ANXA11: variants seen among roughly 807,000 people sequenced by gnomAD.
ANXA11 encodes the protein 56 kDa autoantigen.
A neutral mutation model predicts 64.7 loss-of-function variants in ANXA11; 57 were observed. The ratio of observed to expected loss-of-function variants is 0.88; its 90% CI spans 0.71 to 1.10. The LOEUF is 1.10. ANXA11 is among the 50% of genes least tolerant of loss of function. The probability of loss-of-function intolerance (pLI) is 0.00; values close to 1 mark genes in which losing one functional copy is unlikely to be tolerated. For missense variants in ANXA11, 675 were observed against 670.7 expected (o/e 1.01, Z -0.07); for synonymous variants, 260 against 265.2 (o/e 0.98, Z 0.19).
intron 15 of ANXA11, chr10:80,157,166 A>G: frequency 1.0e-6 from 1 of 977,080 alleles, no homozygotes; most frequent in Non-Finnish European, 1.2e-6. Context: ...GAGCCATTCA[A>G]GGTCACACAG....
intron 1 of ANXA11, among the ~76,000 whole-genome samples, chr10:80,185,275 A>C (rs941028100): frequency 6.6e-6 from 1 of 152,230 alleles, no homozygotes; most frequent in African/African-American, 2.4e-5. Flanking sequence ...GGCCTAGCTC[A>C]GCCTCACTTA....
intron 11 of ANXA11, among the ~76,000 whole-genome samples, chr10:80,162,649 G>C (rs970378440): frequency 9.2e-5 from 14 of 152,234 alleles, no homozygotes; most frequent in African/African-American, 3.4e-4. Flanking sequence ...CCCTAACAAG[G>C]GGGCATTCCT....
At chr10:80,159,559 G>C (rs1428696055) in intron 12 of ANXA11, among the ~76,000 whole-genome samples, 1 of 152,202 alleles carries the variant, frequency 6.6e-6, no homozygotes, top group African/African-American at 2.4e-5. Flanking sequence ...CACCCAGTCT[G>C]TGGTATTTTG....
intron 1 of ANXA11, among the ~76,000 whole-genome samples, chr10:80,191,889 C>T (rs1846792875): frequency 6.6e-6 from 1 of 152,204 alleles, no homozygotes. Flanking sequence ...GACCCCACCT[C>T]ACCCCATTTC....
intron 13 of ANXA11, among the ~76,000 whole-genome samples, chr10:80,158,430 T>C (rs1460089018): frequency 1.3e-5 from 2 of 151,946 alleles, no homozygotes; most frequent in Non-Finnish European, 2.9e-5. Context: ...AATGTGCATC[T>C]CCCTAGGCTT....
chr10:80,165,058 C>G (rs113269678), intron 8 of ANXA11, among the ~76,000 whole-genome samples: 23 of 152,332 alleles, frequency 1.5e-4, no homozygotes, highest in African/African-American at 5.3e-4. Context: ...ACTCCACAAC[C>G]ACCAGCTCAT....
Position 80,172,979 on chromosome 10 carries a change from A to G in ANXA11, c.-8-110T>C. The G allele has an allele frequency of 5.6e-6, 5 of 900,252 alleles. No homozygotes were observed. The South Asian group carries it at 5.9e-5, about 11-fold the overall frequency. The allele number at this position is 900,252 out of a possible 1,614,324, so 55.8% of individuals were successfully genotyped here. A position where few individuals can be genotyped will look rare whatever the true frequency, so the allele number is the denominator to read the frequency against. On this transcript the variant is annotated intron_variant, in intron 2 of 15. Transcript: ENST00000422982. ...ACCACCACAACTGGGACCCTGCAGA[A>G]GAAACTGCTGCATCTGCCCTGCTTG...
At position 80,196,458 on chromosome 10, in the gene ANXA11, T is replaced by C. The variant is rs141589814; in HGVS notation, c.-58+8885A>G. Among the ~76,000 whole-genome samples, 1,198 of 152,272 alleles carry C rather than the reference T, an allele frequency of 7.9e-3. 5 individuals carry two copies. Among genetic ancestry groups the C allele is most frequent in the Non-Finnish European group, 0.012 (841 of 68,010 alleles). ...CTTTCACTCTCTGGGTGGCACCTGTTTCGGTAGCCTCTATTACGTAGGCCC... is the reference window on the plus strand; with the variant it reads ...CTTTCACTCTCTGGGTGGCACCTGTCTCGGTAGCCTCTATTACGTAGGCCC... On this transcript the variant is annotated intron_variant, in intron 1 of 15. Transcript: ENST00000422982.
intron 1 of ANXA11, among the ~76,000 whole-genome samples, chr10:80,179,998 C>A (rs1402487489): frequency 6.6e-6 from 1 of 152,186 alleles, no homozygotes; most frequent in African/African-American, 2.4e-5. Flanking sequence ...CTCAAAGCGT[C>A]TGGTGAATGC....
chr10:80,205,696 C>G (rs1279859520), upstream of ANXA11: 1 of 152,226 alleles, frequency 6.6e-6, no homozygotes, highest in Non-Finnish European at 1.5e-5. Flanking sequence ...CTCCGGAGGT[C>G]CCTCTGCCGC....
intron 1 of ANXA11, among the ~76,000 whole-genome samples, chr10:80,200,825 C>T (rs1415085681): frequency 6.6e-6 from 1 of 152,158 alleles, no homozygotes; most frequent in Admixed American, 6.5e-5. Context: ...TGCTTGAGGC[C>T]AGGGCTTTGA....
chr10:80,173,305 CCAG>C (rs1384987323), intron 2 of ANXA11, among the ~76,000 whole-genome samples: 1 of 152,238 alleles, frequency 6.6e-6, no homozygotes, highest in Non-Finnish European at 1.5e-5. Flanking sequence ...TGCCATCCCT[CCAG>C]CAACAGGGGA....
At chr10:80,166,324 G>C (rs1160070816) in intron 7 of ANXA11, 127 bp from the exon 8 acceptor site, 6 of 610,522 alleles carry the variant, frequency 9.8e-6, no homozygotes, top group Admixed American at 8.7e-5. Context: ...TCCCCCAGGG[G>C]CCTGAGAGAA....
rs956787240 is a variant in ANXA11 at position 80,158,021 on chromosome 10, T to C, written c.1281A>G (p.Lys427=). The change falls in exon 14 of 16, where the codon AAA becomes AAG. Residue 427 remains lysine (K), a synonymous_variant. Transcript: ENST00000422982. ...DLEEGMLAVV[K]CLKNTPAFFA... is the part of the protein sequence containing the mutation. The stretch of plus-strand genomic sequence containing the variant: ...AGAAGGCTGGGGTATTCTTGAGACA[T>C]TTCACTAGAAGAGAGAAACTCGGCA... 36 of 1,614,096 alleles carry C rather than the reference T, an allele frequency of 2.2e-5. No individual in the cohort carries two copies. The highest frequency in any genetic ancestry group is 3.1e-5 in the Non-Finnish European group (36 of 1,179,972).
At chr10:80,204,418 TGGGCAGGGCAGGGCA>T (rs573326665) in intron 1 of ANXA11, among the ~76,000 whole-genome samples, 3 of 151,478 alleles carry the variant, frequency 2.0e-5, no homozygotes, top group South Asian at 2.1e-4. Flanking sequence ...CCCTGTTGCG[TGGGCAGGGCAGGGCA>T]GGGCAGGGCA....
At chr10:80,200,951 G>A (rs149841113) in intron 1 of ANXA11, among the ~76,000 whole-genome samples, 2 of 152,320 alleles carry the variant, frequency 1.3e-5, no homozygotes, top group East Asian at 1.9e-4. Flanking sequence ...ACGGAGCGCC[G>A]TGGGGAGGGA....
intron 5 of ANXA11, 125 bp downstream of exon 5, chr10:80,168,844 T>C (rs1327183804): frequency 7.9e-6 from 9 of 1,143,856 alleles, no homozygotes; most frequent in African/African-American, 6.5e-5. Context: ...GCCGACACTA[T>C]TTGTTAAAAC....
intron 1 of ANXA11, among the ~76,000 whole-genome samples, chr10:80,177,433 G>A (rs1313442747): frequency 6.6e-6 from 1 of 152,092 alleles, no homozygotes; most frequent in African/African-American, 2.4e-5. Flanking sequence ...CCTTATGTGG[G>A]CTCCTGTGAA....
Position 80,172,878 on chromosome 10 carries a change from G to A in ANXA11, c.-8-9C>T, listed in dbSNP as rs1846034503. 1.2e-6 allele frequency: 2 copies of A among 1,613,654 alleles called. No individual in the cohort carries two copies. The highest frequency in any genetic ancestry group is 2.7e-5 in the African/African-American group (2 of 75,052). On this transcript the variant is annotated splice_polypyrimidine_tract_variant and intron_variant, in intron 2 of 15. Coordinates refer to ENST00000422982, the MANE Select transcript of ANXA11 (RefSeq NM_145868.2). ...GTAGCTCATGGTTAGATCTGGAAGAGAAGACGAAAGCACATTCAGGCTCTG... is the reference window on the plus strand; with the variant it reads ...GTAGCTCATGGTTAGATCTGGAAGAAAAGACGAAAGCACATTCAGGCTCTG...
Sources: gnomAD v4.1 joint callset for allele counts (sites outside exome capture counted in the v4.1 genomes callset) on GRCh38, gnomAD v4.1.1 for gene constraint, MANE v1.5 for transcripts, NCBI Gene and HGNC (gene_info 2026-07-23, HGNC 2026-07-21) for gene names.